The following PPFIA2 variants were observed in gnomAD, a reference collection of about 807,000 sequenced individuals.
PPFIA2 encodes PPFI scaffold protein A2.
A neutral mutation model predicts 175.5 loss-of-function variants in PPFIA2; 46 were observed. The observed-to-expected ratio is 0.26, with a 90% CI of 0.21 to 0.34. The LOEUF (loss-of-function observed/expected upper bound fraction) is 0.34, where lower values mean the gene tolerates loss of function less well. Among genes scored for constraint, PPFIA2 ranks in the 10% least tolerant of loss-of-function variants. The pLI is 1.00. For missense variants in PPFIA2, 1,179 were observed against 1,506.1 expected (o/e 0.78, Z 3.60); for synonymous variants, 568 against 511.4 (o/e 1.11, Z -1.49).
At position 81,294,011 on chromosome 12, in the gene PPFIA2, A is replaced by G. The variant is rs577157837; in HGVS notation, c.2925+824T>C. Among the ~76,000 whole-genome samples the G allele has an allele frequency of 2.4e-3, 329 of 138,456 alleles. 1 individual carries two copies. Among genetic ancestry groups the G allele is most frequent in the African/African-American group, 8.1e-3 (308 of 38,056 alleles). The allele number at this position is 138,456 out of a possible 152,430, so 90.8% of individuals were successfully genotyped here. ...AGCAACATAAATGGAACTGGAGACC[A>G]TTATCCCAAGTGAAATAACTTGGAA... On this transcript the variant is annotated intron_variant, in intron 24 of 32. Transcript: ENST00000549396.
At chr12:81,459,780 T>C (rs2054207193) in intron 4 of PPFIA2, among the ~76,000 whole-genome samples, 1 of 152,206 alleles carries the variant, frequency 6.6e-6, no homozygotes, top group Non-Finnish European at 1.5e-5. Context: ...AAGATTAGTC[T>C]TACATTTACT....
chr12:81,376,094 A>T (rs1394664908), intron 9 of PPFIA2, among the ~76,000 whole-genome samples, 152 bp from the exon 10 acceptor site: 1 of 152,246 alleles, frequency 6.6e-6, no homozygotes, highest in African/African-American at 2.4e-5. Flanking sequence ...GTGAGATTGC[A>T]GGTGCATGTT....
chr12:81,441,254 T>C (rs1360615103), intron 6 of PPFIA2, among the ~76,000 whole-genome samples: 3 of 152,004 alleles, frequency 2.0e-5, no homozygotes, highest in African/African-American at 7.2e-5. Context: ...CTATTAGGAA[T>C]TTTTAAGAAT....
intron 3 of PPFIA2, among the ~76,000 whole-genome samples, chr12:81,695,761 T>A (rs1455403734): frequency 6.6e-6 from 1 of 152,224 alleles, no homozygotes; most frequent in East Asian, 1.9e-4. Flanking sequence ...AGCAAACTTT[T>A]CTGCTCAAAT....
intron 21 of PPFIA2, among the ~76,000 whole-genome samples, chr12:81,331,043 A>G (rs1454313295): frequency 1.3e-5 from 2 of 152,238 alleles, no homozygotes; most frequent in Non-Finnish European, 2.9e-5. Flanking sequence ...CCTTAGCACC[A>G]AGGAACAATC....
At chr12:81,681,383 A>G (rs2073598184) in intron 3 of PPFIA2, among the ~76,000 whole-genome samples, 1 of 152,008 alleles carries the variant, frequency 6.6e-6, no homozygotes, top group Non-Finnish European at 1.5e-5. Flanking sequence ...TGTTCCTGGC[A>G]TGAAAACCCA....
At position 81,339,302 on chromosome 12, in the gene PPFIA2, A is replaced by G. The variant is rs2057651332; in HGVS notation, c.2426T>C (p.Leu809Pro). ...SLSVSLEPES[L>P]GLGSANSSQD... ...GCTGCTGTTGGCACTACCAAGCCCG[A>G]GGCTTTCTGGCTCAAGAGAGACAGA... Residue 809 changes from leucine to proline, a missense_variant, in exon 21 of 33, where the codon CTC (leucine) becomes CCC (proline). Around this residue, in one of 10 missense-constraint regions of PPFIA2, gnomAD observed 223 missense variants for 241.6 expected, o/e 0.92. Coordinates refer to ENST00000549396, the MANE Select transcript of PPFIA2 (RefSeq NM_003625.5). 1 of 1,605,730 alleles carries G rather than the reference A, an allele frequency of 6.2e-7. No individual in the cohort carries two copies. The highest frequency in any genetic ancestry group is 1.7e-5 in the Admixed American group (1 of 58,606).
intron 16 of PPFIA2, among the ~76,000 whole-genome samples, chr12:81,355,371 T>C (rs900394872): frequency 6.6e-6 from 1 of 152,164 alleles, no homozygotes; most frequent in African/African-American, 2.4e-5. Context: ...AGAGCACAGG[T>C]AGAGTAGATT....
intron 4 of PPFIA2, among the ~76,000 whole-genome samples, chr12:81,485,119 C>G (rs1235432675): frequency 6.6e-6 from 1 of 151,736 alleles, no homozygotes; most frequent in Non-Finnish European, 1.5e-5. Context: ...TTTCAAAAAG[C>G]CAGCCTAGTA....
At chr12:81,471,848 C>G (rs2056783444) in intron 4 of PPFIA2, among the ~76,000 whole-genome samples, 1 of 152,112 alleles carries the variant, frequency 6.6e-6, no homozygotes, top group Admixed American at 6.5e-5. Flanking sequence ...GCCATTCTAA[C>G]AGGTACTAGG....
At chr12:81,550,348 T>C (rs1377322000) in intron 4 of PPFIA2, among the ~76,000 whole-genome samples, 1 of 151,906 alleles carries the variant, frequency 6.6e-6, no homozygotes, top group East Asian at 1.9e-4. Context: ...ACTTGGGAAA[T>C]TAAGGCATTC....
At chr12:81,470,413 C>A (rs537039387) in intron 4 of PPFIA2, among the ~76,000 whole-genome samples, 1 of 152,224 alleles carries the variant, frequency 6.6e-6, no homozygotes, top group African/African-American at 2.4e-5. Flanking sequence ...TGGCTATAAT[C>A]AAAAACACAA....
chr12:81,366,003 TTCCTTCC>T (rs2033226489), intron 14 of PPFIA2, among the ~76,000 whole-genome samples: 2 of 96,282 alleles, frequency 2.1e-5, no homozygotes, highest in African/African-American at 8.1e-5. Flanking sequence ...CCTTCCTTCC[TTCCTTCC>T]TTCCTTCCTT....
chr12:81,676,288 T>C (rs2072491887), intron 4 of PPFIA2, among the ~76,000 whole-genome samples: 1 of 151,990 alleles, frequency 6.6e-6, no homozygotes, highest in Non-Finnish European at 1.5e-5. Flanking sequence ...GATGTTCCAA[T>C]AATAGAACAT....
chr12:81,484,001 T>C (rs971750112), intron 4 of PPFIA2, among the ~76,000 whole-genome samples: 5 of 151,918 alleles, frequency 3.3e-5, no homozygotes, highest in Non-Finnish European at 4.4e-5. Flanking sequence ...GGGGTAGGAA[T>C]CACTTTTAAA....
chr12:81,281,746 T>A (rs569412585), intron 26 of PPFIA2, among the ~76,000 whole-genome samples: 1 of 152,086 alleles, frequency 6.6e-6, no homozygotes, highest in Non-Finnish European at 1.5e-5. Context: ...ACTCTGAGCT[T>A]TAAGATTCTG....
At chr12:81,754,264 G>A (rs751711968) in intron 2 of PPFIA2, 41 bp from the exon 3 acceptor site, 1 of 1,540,694 alleles carries the variant, frequency 6.5e-7, no homozygotes, top group Non-Finnish European at 8.8e-7. Context: ...GTAAAGAAAT[G>A]ATTTCCAATA....
intron 22 of PPFIA2, among the ~76,000 whole-genome samples, chr12:81,317,510 A>T (rs1429622335): frequency 6.6e-6 from 1 of 150,930 alleles, no homozygotes; most frequent in Admixed American, 6.6e-5. Context: ...GATTTGAGAG[A>T]TTTTTTTTAA....
At chr12:81,344,900 G>A (rs2058773091) in intron 18 of PPFIA2, 4 of 463,306 alleles carry the variant, frequency 8.6e-6, no homozygotes, top group African/African-American at 2.0e-5. Flanking sequence ...GGTAACATAA[G>A]TCAGATGATT....
Sources: gnomAD v4.1 joint callset for allele counts (sites outside exome capture counted in the v4.1 genomes callset) on GRCh38, gnomAD v4.1.1 for gene constraint, gnomAD v4.1.1 regional missense constraint, MANE v1.5 for transcripts, NCBI Gene and HGNC (gene_info 2026-07-23, HGNC 2026-07-21) for gene names.